The following TRIM3 variants were observed in gnomAD, a reference collection of about 807,000 sequenced individuals.
TRIM3 encodes the protein tripartite motif-containing protein 3.
TRIM3 carries 13 observed loss-of-function variants against 66.6 expected under a neutral mutation model. The observed-to-expected ratio is 0.20, with a 90% CI of 0.13 to 0.31. The LOEUF (loss-of-function observed/expected upper bound fraction) is 0.31, where lower values mean the gene tolerates loss of function less well. Among genes scored for constraint, TRIM3 ranks in the 10% least tolerant of loss-of-function variants. The pLI is 1.00. For synonymous variants in TRIM3, 406 were observed against 411.7 expected, an observed-to-expected ratio of 0.99 and a Z score of 0.17; for missense variants, 711 against 1,020.4, an observed-to-expected ratio of 0.70 and a Z score of 4.13.
chr11:6,455,364 T>C (rs1193697060), intron 7 of TRIM3, among the ~76,000 whole-genome samples: 2 of 152,180 alleles, frequency 1.3e-5, no homozygotes, highest in African/African-American at 2.4e-5. Context: ...CCTGAGCTTT[T>C]AACTGCTCTG....
intron 7 of TRIM3, among the ~76,000 whole-genome samples, chr11:6,453,705 A>G (rs1232465757): frequency 5.3e-5 from 8 of 152,212 alleles, no homozygotes; most frequent in African/African-American, 1.9e-4. Flanking sequence ...AATATATACA[A>G]ATCAAATTAT....
At chr11:6,466,442 A>C (rs1318756702) in intron 1 of TRIM3, among the ~76,000 whole-genome samples, 1 of 152,136 alleles carries the variant, frequency 6.6e-6, no homozygotes, top group Non-Finnish European at 1.5e-5. Context: ...TTTCTAAAAC[A>C]CAGATTTGAT....
chr11:6,457,464 C>T lies in TRIM3; in HGVS notation c.528G>A (p.Leu176=), dbSNP rs1200496914. 1 of 1,612,590 alleles carries T rather than the reference C, an allele frequency of 6.2e-7. No homozygotes were observed. Among genetic ancestry groups the T allele is most frequent in the Non-Finnish European group, 8.5e-7 (1 of 1,179,954 alleles). ...LEAVRGRLPQ[L]SAAIALVGGI... Reference sequence around the variant, plus strand: ...CCCCGACTAAGGCAATTGCTGCGGACAGCTGTGGCAATCTGGAGGGGGAAT... The same window carrying T: ...CCCCGACTAAGGCAATTGCTGCGGATAGCTGTGGCAATCTGGAGGGGGAAT... The change falls in exon 5 of 12, where the codon CTG becomes CTA. Residue 176 remains leucine, a synonymous_variant. Transcript: ENST00000345851. This position sits in a 1 kb window ranked among gnomAD's most constrained non-coding sequence, Gnocchi z 4.5.
rs116989614 is a variant in TRIM3, at chr11:6,465,202, C to A, written c.131+363G>T. Among the ~76,000 whole-genome samples the A allele has an allele frequency of 1.6e-3, 246 of 152,188 alleles. 2 individuals carry two copies. In the Middle Eastern group the frequency reaches 0.017, roughly 11 times the overall value. ...ACAAGGACAAGCAGGGAAGGACAGACCTAACTTCAAATATCCTCCAACTAG... is the reference window on the plus strand; with the variant it reads ...ACAAGGACAAGCAGGGAAGGACAGAACTAACTTCAAATATCCTCCAACTAG... On this transcript the variant is annotated intron_variant, in intron 2 of 11. Transcript: ENST00000345851.
rs1044021711 is a variant in TRIM3 at position 6,457,208 on chromosome 11, G to C, written c.696+88C>G. On this transcript the variant is annotated intron_variant, in intron 5 of 11. Transcript: ENST00000345851. This position sits in a 1 kb window ranked among gnomAD's most constrained non-coding sequence, Gnocchi z 4.5. ...GGCAGAATATCTAGGCTGGGGAATG[G>C]GGAGCTGGTGTGGAAGACAGAGGAA... 11 of 1,549,634 alleles carry C rather than the reference G, an allele frequency of 7.1e-6. No individual in the cohort carries two copies. The Admixed American group carries it at 1.6e-4, about 22-fold the overall frequency.
intron 2 of TRIM3, among the ~76,000 whole-genome samples, chr11:6,464,231 T>A (rs746761295): frequency 6.6e-6 from 1 of 152,184 alleles, no homozygotes; most frequent in Non-Finnish European, 1.5e-5. Context: ...TCCAGCTTCA[T>A]CCCATAATAC....
intron 7 of TRIM3, among the ~76,000 whole-genome samples, chr11:6,454,386 C>CAAAAAAAAAAAAAAAAAAAAAAAAA (rs10665333): frequency 7.7e-6 from 1 of 129,238 alleles, no homozygotes; most frequent in Non-Finnish European, 1.6e-5. Flanking sequence ...GACCCTGTCT[C>CAAAAAAAAAAAAAAAAAAAAAAAAA]AAAAAAAAAA....
intron 7 of TRIM3, among the ~76,000 whole-genome samples, chr11:6,454,254 A>G (rs1849869534): frequency 6.6e-6 from 1 of 152,050 alleles, no homozygotes; most frequent in South Asian, 2.1e-4. Flanking sequence ...AGCCAGGTAT[A>G]GTGGCATGCG....
chr11:6,450,314 T>A lies in TRIM3; in HGVS notation c.1941+237A>T, dbSNP rs1161601234. 2 of 546,660 alleles carry A rather than the reference T, an allele frequency of 3.7e-6. No homozygotes were observed. Among genetic ancestry groups the A allele is most frequent in the African/African-American group, 3.8e-5 (2 of 52,994 alleles). The allele number at this position is 546,660 out of a possible 1,614,324, so 33.9% of individuals were successfully genotyped here. On this transcript the variant is annotated intron_variant, in intron 10 of 11. Coordinates refer to ENST00000345851, the MANE Select transcript of TRIM3 (RefSeq NM_033278.4). This position sits in a 1 kb window ranked among gnomAD's most constrained non-coding sequence, Gnocchi z 4.8. Reference sequence around the variant, plus strand: ...TATTGTAATTTTTTGGTTACCTTTTTCTCTTCCCTACTAGACTATAATCAA... The same window carrying A: ...TATTGTAATTTTTTGGTTACCTTTTACTCTTCCCTACTAGACTATAATCAA...
chr11:6,452,555 G>A (rs1193326927), intron 7 of TRIM3: 1 of 152,014 alleles, frequency 6.6e-6, no homozygotes, highest in African/African-American at 2.4e-5. Context: ...GTCCTGCAGG[G>A]CTGTTTAAAC....
intron 1 of TRIM3, among the ~76,000 whole-genome samples, chr11:6,470,066 G>A (rs111380265): frequency 6.6e-6 from 1 of 152,212 alleles, no homozygotes; most frequent in African/African-American, 2.4e-5. Context: ...GCTAGGGGAT[G>A]AAGGATTTAT....
At position 6,457,172 on chromosome 11, in the gene TRIM3, G is replaced by T; in HGVS notation, c.696+124C>A. On this transcript the variant is annotated intron_variant, in intron 5 of 11. Transcript: ENST00000345851. This position sits in a 1 kb window ranked among gnomAD's most constrained non-coding sequence, Gnocchi z 4.5. ...CAGATGCCCACAGCACCTACCGAGG[G>T]CATGTCAGGAGGCAGAATATCTAGG... The T allele has an allele frequency of 6.6e-7, 1 of 1,515,324 alleles. No homozygotes were observed. Among genetic ancestry groups the T allele is most frequent in the Non-Finnish European group, 8.9e-7 (1 of 1,121,098 alleles). 93.9% of individuals were successfully genotyped at this position (1,515,324 alleles called of 1,614,324 possible).
intron 7 of TRIM3, among the ~76,000 whole-genome samples, chr11:6,454,415 T>C (rs1005815704): frequency 2.0e-5 from 3 of 148,368 alleles, no homozygotes; most frequent in Non-Finnish European, 4.5e-5. Context: ...TATGAGGAAG[T>C]TCAGCCCCCT....
chr11:6,455,972 T>G, intron 7 of TRIM3, 100 bp downstream of exon 7: 1 of 1,153,050 alleles, frequency 8.7e-7, no homozygotes, highest in Non-Finnish European at 1.3e-6. Context: ...TCTGTAGGGT[T>G]CCATCTTCCA....
In TRIM3 at chr11:6,456,562, T is replaced by C. The variant is rs1426294507; in HGVS notation, c.1164A>G (p.Leu388=). The change falls in exon 6 of 12, where the codon CTA becomes CTG. Residue 388 remains leucine, a synonymous_variant. Coordinates refer to ENST00000345851, the MANE Select transcript of TRIM3 (RefSeq NM_033278.4). The surrounding 1 kb of genome is among the most constrained non-coding windows in gnomAD (Gnocchi z 6.4). The part of the protein sequence containing the change: ...VVDHKNGTYE[L]VYTARTEGEL... ...CGCCTTCCGTGCGCGCTGTGTACAC[T>C]AGCTCATATGTGCCATTCTTGTGGT... 8.1e-6 allele frequency: 13 copies of C among 1,612,524 alleles called. No individual in the cohort carries two copies. Among genetic ancestry groups the C allele is most frequent in the East Asian group, 6.7e-5 (3 of 44,810 alleles).
rs186544522 is a variant in TRIM3 at position 6,466,476 on chromosome 11, C to T, written c.-37-744G>A. On this transcript the variant is annotated intron_variant, in intron 1 of 11. Transcript: ENST00000345851. ...ATCTTGTCAGTACTCTGTTTAAATT[C>T]CTTCAAATGTTATCCATTGTCCAAA... 2.2e-4 allele frequency among the ~76,000 whole-genome samples: 33 copies of T among 152,228 alleles called. No homozygotes were observed. In the South Asian group the frequency reaches 3.9e-3, roughly 18 times the overall value.
chr11:6,465,192 G>C (rs1850405517), intron 2 of TRIM3, among the ~76,000 whole-genome samples: 1 of 152,068 alleles, frequency 6.6e-6, no homozygotes, highest in African/African-American at 2.4e-5. Context: ...GACAAGCAGG[G>C]AAGGACAGAC....
intron 7 of TRIM3, 121 bp downstream of exon 7, chr11:6,455,951 G>C: frequency 1.6e-6 from 1 of 625,388 alleles, no homozygotes; most frequent in Non-Finnish European, 2.5e-6. Flanking sequence ...TGCTCTTAAG[G>C]AACGGTACTA....
At position 6,457,872 on chromosome 11, in the gene TRIM3, G is replaced by T. The variant is rs568811632; in HGVS notation, c.364-25C>A. ...TCTGCGGTACAAGGACTCCAGTCGG[G>T]TAATGGCTAGACATCACACTTCTTT... On this transcript the variant is annotated intron_variant, in intron 3 of 11. Transcript: ENST00000345851. This position sits in a 1 kb window ranked among gnomAD's most constrained non-coding sequence, Gnocchi z 4.5. The T allele has an allele frequency of 6.2e-7, 1 of 1,613,560 alleles. No homozygotes were observed. The highest frequency in any genetic ancestry group is 1.1e-5 in the South Asian group (1 of 91,040).
Sources: allele counts gnomAD v4.1 joint callset (sites outside exome capture counted in the v4.1 genomes callset), GRCh38; gene constraint gnomAD v4.1.1; non-coding constraint Gnocchi (gnomAD v3.1); transcripts MANE v1.5; gene names NCBI Gene and HGNC (gene_info 2026-07-23, HGNC 2026-07-21).